The following PRKN variants were observed in gnomAD, a reference collection of about 807,000 sequenced individuals.
PRKN encodes the protein parkin RBR E3 ubiquitin protein ligase, also known as E3 ubiquitin-protein ligase parkin.
Under a neutral mutation model 59.5 loss-of-function variants are expected in PRKN, and 56 were observed. The observed-to-expected ratio is 0.94, with a 90% confidence interval of 0.76 to 1.18. The LOEUF (loss-of-function observed/expected upper bound fraction) is 1.18, where lower values mean the gene tolerates loss of function less well. Among genes scored for constraint, PRKN ranks in the 50% most tolerant of loss-of-function variants. The probability of loss-of-function intolerance (pLI) is 0.00; values close to 1 mark genes in which losing one functional copy is unlikely to be tolerated. For synonymous variants in PRKN, 250 were observed against 222.1 expected (o/e 1.13, Z -1.12); for missense variants, 657 against 596.4 (o/e 1.10, Z -1.06).
At chr6:162,339,026 G>A (rs1464689749) in intron 2 of PRKN, among the ~76,000 whole-genome samples, 8 of 148,124 alleles carry the variant, frequency 5.4e-5, no homozygotes, top group South Asian at 2.1e-4. Flanking sequence ...CAACCACCCC[G>A]TCTGAGAAGT....
chr6:162,047,760 T>C (rs1168298318), intron 5 of PRKN, among the ~76,000 whole-genome samples: 2 of 152,186 alleles, frequency 1.3e-5, no homozygotes, highest in East Asian at 1.9e-4. Flanking sequence ...TAAATCACAA[T>C]TGCTCAGTAT....
At chr6:162,505,652 T>C (rs762181119) in intron 1 of PRKN, among the ~76,000 whole-genome samples, 1 of 152,088 alleles carries the variant, frequency 6.6e-6, no homozygotes, top group Non-Finnish European at 1.5e-5. Flanking sequence ...CTTAAGACCA[T>C]AAGTAATATA....
chr6:162,384,377 G>A (rs1786668223), intron 2 of PRKN, among the ~76,000 whole-genome samples: 1 of 152,096 alleles, frequency 6.6e-6, no homozygotes, highest in Non-Finnish European at 1.5e-5. Context: ...GAAGCCCAAG[G>A]AGAGGAAGAG....
At chr6:162,531,672 A>G (rs1778520977) in intron 1 of PRKN, among the ~76,000 whole-genome samples, 2 of 152,154 alleles carry the variant, frequency 1.3e-5, no homozygotes. Context: ...GAGGCAGTTT[A>G]GGGAGGGTCA....
At position 162,011,430 on chromosome 6, in the gene PRKN, A is replaced by G. The variant is rs1324647071; in HGVS notation, c.619-38013T>C. Among the ~76,000 whole-genome samples the G allele has an allele frequency of 8.9e-5, 2 of 22,450 alleles. 1 individual carries two copies. Among genetic ancestry groups the G allele is most frequent in the Non-Finnish European group, 1.2e-4 (2 of 16,876 alleles). 14.7% of individuals were successfully genotyped at this position (22,450 alleles called of 152,430 possible). The stretch of plus-strand genomic sequence containing the variant: ...TATAATATATTATATTTTATAATAT[A>G]TATGTTATATATTTATAATATATAA... On this transcript the variant is annotated intron_variant, in intron 5 of 11. Transcript: ENST00000366898.
intron 6 of PRKN, among the ~76,000 whole-genome samples, chr6:161,904,305 TGG>T (rs147479158): frequency 3.1e-5 from 4 of 128,546 alleles, no homozygotes; most frequent in Admixed American, 8.0e-5. Context: ...TTCGAATTTG[TGG>T]GGTTTTTTTT....
At position 162,282,447 on chromosome 6, in the gene PRKN, C is replaced by T. The variant is rs76042125; in HGVS notation, c.172-19682G>A. On this transcript the variant is annotated intron_variant, in intron 2 of 11. Transcript: ENST00000366898. ...TACAAATAAAAGTGCTTATGATAAA[C>T]AGCTAATGAGAATAAATGGATACAC... Among the ~76,000 whole-genome samples the T allele has an allele frequency of 6.6e-3, 1,011 of 152,244 alleles. 9 individuals carry two copies. Among genetic ancestry groups the T allele is most frequent in the African/African-American group, 0.023 (950 of 41,560 alleles).
rs558533948 is a variant in PRKN, at chr6:162,374,562, T to C, written c.171+68748A>G. 4.0e-5 allele frequency among the ~76,000 whole-genome samples: 6 copies of C among 151,888 alleles called. 1 individual carries two copies. In the South Asian group the frequency reaches 6.2e-4, roughly 16 times the overall value. ...TTGTTTGTTTGTTTATTTATTTATT[T>C]ATTCATTTATTGGATAGGTGAGAGG... On this transcript the variant is annotated intron_variant, in intron 2 of 11. Coordinates refer to ENST00000366898, the MANE Select transcript of PRKN (RefSeq NM_004562.3).
At chr6:162,021,886 C>T (rs547752368) in intron 5 of PRKN, among the ~76,000 whole-genome samples, 18 of 152,138 alleles carry the variant, frequency 1.2e-4, no homozygotes, top group South Asian at 1.0e-3. Context: ...CTATTGTACC[C>T]GTCTTTATGT....
At chr6:162,089,190 C>T (rs1317505839) in intron 4 of PRKN, among the ~76,000 whole-genome samples, 1 of 152,038 alleles carries the variant, frequency 6.6e-6, no homozygotes. Context: ...AGAACATTTA[C>T]AACTTAACAA....
intron 1 of PRKN, among the ~76,000 whole-genome samples, chr6:162,704,076 G>C (rs2128237314): frequency 6.6e-6 from 1 of 152,242 alleles, no homozygotes; most frequent in South Asian, 2.1e-4. Context: ...AAACATTCTT[G>C]ACCTGGTACC....
chr6:162,526,612 A>T (rs535855580), intron 1 of PRKN, among the ~76,000 whole-genome samples: 1 of 112,188 alleles, frequency 8.9e-6, no homozygotes, highest in East Asian at 2.1e-4. Flanking sequence ...ATCGCGCTTT[A>T]AAAAAAAAAA....
chr6:162,179,847 CAGAT>C lies in PRKN; in HGVS notation c.534+21280_534+21283del, dbSNP rs1366925929. On this transcript the variant is annotated intron_variant, in intron 4 of 11. Coordinates refer to ENST00000366898, the MANE Select transcript of PRKN (RefSeq NM_004562.3). ...ATTGTAAACACTACCAAGCAGCAAA[CAGAT>C]AGAGCCTGAACGTGTGAAACTTAAA... is the stretch of plus-strand genomic sequence containing the variant. 2.0e-5 allele frequency among the ~76,000 whole-genome samples: 3 copies of C among 152,206 alleles called. No individual in the cohort carries two copies. The East Asian group carries it at 5.8e-4, about 29-fold the overall frequency.
Position 161,544,002 on chromosome 6 carries a change from A to G in PRKN, c.1083+4852T>C, listed in dbSNP as rs1779708899. Among the ~76,000 whole-genome samples the G allele has an allele frequency of 6.6e-6, 1 of 152,176 alleles. No homozygotes were observed. Among genetic ancestry groups the G allele is most frequent in the East Asian group, 1.9e-4 (1 of 5,202 alleles). On this transcript the variant is annotated intron_variant, in intron 9 of 11. Transcript: ENST00000366898. This position sits in a 1 kb window ranked among gnomAD's most constrained non-coding sequence, Gnocchi z 5.5. ...CATGAATTCTTTAGGAAATCAATTA[A>G]TTTTTTTATGAGCAGTAGTAAAAAT...
At chr6:162,166,625 C>G (rs1375731893) in intron 4 of PRKN, among the ~76,000 whole-genome samples, 1 of 152,178 alleles carries the variant, frequency 6.6e-6, no homozygotes, top group East Asian at 1.9e-4. Flanking sequence ...CACTTTAAAA[C>G]TCATTTTAAA....
At position 161,496,515 on chromosome 6, in the gene PRKN, G is replaced by A. The variant is rs113392703; in HGVS notation, c.1083+52339C>T. Among the ~76,000 whole-genome samples, 1,188 of 152,326 alleles carry A rather than the reference G, an allele frequency of 7.8e-3. 12 individuals are homozygous for A. The highest frequency in any genetic ancestry group is 0.023 in the African/African-American group (964 of 41,558). ...AATGAGGAGCAAAGGCACGTCTTAC[G>A]TGGTGGCAGGCAAGAGAGCATGTGC... is the stretch of plus-strand genomic sequence containing the variant. On this transcript the variant is annotated intron_variant, in intron 9 of 11. Transcript: ENST00000366898.
chr6:161,355,425 G>A lies in PRKN; in HGVS notation c.1285+4663C>T, dbSNP rs534832341. 2.2e-4 allele frequency among the ~76,000 whole-genome samples: 33 copies of A among 152,212 alleles called. No homozygotes were observed. The highest frequency in any genetic ancestry group is 7.7e-4 in the African/African-American group (32 of 41,548). On this transcript the variant is annotated intron_variant, in intron 11 of 11. Coordinates refer to ENST00000366898, the MANE Select transcript of PRKN (RefSeq NM_004562.3). This position sits in a 1 kb window ranked among gnomAD's most constrained non-coding sequence, Gnocchi z 6.8. ...GTGTTTTATTTATTCTTTTTGAGACGGAGTCTCACTGTGTCACCCAGGCCG... is the reference window on the plus strand; with the variant it reads ...GTGTTTTATTTATTCTTTTTGAGACAGAGTCTCACTGTGTCACCCAGGCCG...
At position 161,546,934 on chromosome 6, in the gene PRKN, C is replaced by T. The variant is rs958075845; in HGVS notation, c.1083+1920G>A. Among the ~76,000 whole-genome samples, 15 of 152,078 alleles carry T rather than the reference C, an allele frequency of 9.9e-5. No homozygotes were observed. The highest frequency in any genetic ancestry group is 1.3e-4 in the Non-Finnish European group (9 of 68,022). Reference sequence around the variant, plus strand: ...AGGAACTGAGGACTTTTTTTGCCAACAGTCATGTGAATGAGCTACCTTGGA... The same window carrying T: ...AGGAACTGAGGACTTTTTTTGCCAATAGTCATGTGAATGAGCTACCTTGGA... On this transcript the variant is annotated intron_variant, in intron 9 of 11. Transcript: ENST00000366898. This position sits in a 1 kb window ranked among gnomAD's most constrained non-coding sequence, Gnocchi z 4.4.
At chr6:161,523,867 C>A (rs1029255886) in intron 9 of PRKN, among the ~76,000 whole-genome samples, 1 of 151,978 alleles carries the variant, frequency 6.6e-6, no homozygotes, top group Non-Finnish European at 1.5e-5. Flanking sequence ...TTTCAAAATA[C>A]CATCTGAGAA....
Sources: gnomAD v4.1 joint callset for allele counts (sites outside exome capture counted in the v4.1 genomes callset) on GRCh38, gnomAD v4.1.1 for gene constraint, Gnocchi (gnomAD v3.1) non-coding constraint, MANE v1.5 for transcripts, NCBI Gene and HGNC (gene_info 2026-07-23, HGNC 2026-07-21) for gene names.